MYO16: variants seen among roughly 807,000 people sequenced by gnomAD.
The protein encoded by MYO16 is myosin XVI, also known as unconventional myosin-XVI.
A neutral mutation model predicts 205.3 loss-of-function variants in MYO16; 94 were observed. That is an observed-to-expected ratio of 0.46 (90% CI 0.39 to 0.54). The LOEUF (loss-of-function observed/expected upper bound fraction) is 0.54, where lower values mean the gene tolerates loss of function less well. Among genes scored for constraint, MYO16 ranks in the 20% least tolerant of loss-of-function variants. MYO16 has a pLI of 0.00. For synonymous variants in MYO16, 988 were observed against 954.0 expected (o/e 1.04, Z -0.66); for missense variants, 2,315 against 2,387.5 (o/e 0.97, Z 0.63).
intron 2 of MYO16, among the ~76,000 whole-genome samples, chr13:108,681,401 A>T (rs9583277): frequency 6.6e-6 from 1 of 151,974 alleles, no homozygotes; most frequent in African/African-American, 2.4e-5. Flanking sequence ...ATTGCCTACT[A>T]TTCATTTCCA....
chr13:109,038,248 AG>A (rs1886774593), intron 23 of MYO16, among the ~76,000 whole-genome samples: 1 of 152,036 alleles, frequency 6.6e-6, no homozygotes, highest in South Asian at 2.1e-4. Flanking sequence ...ATCATTTCTG[AG>A]GGTGTCTTCG....
At chr13:108,766,818 A>G (rs1280778117) in intron 4 of MYO16, among the ~76,000 whole-genome samples, 1 of 152,190 alleles carries the variant, frequency 6.6e-6, no homozygotes, top group African/African-American at 2.4e-5. Context: ...AAGGTTTAAC[A>G]GCTCTTTGGA....
rs1428066188 is a variant in MYO16 at position 109,140,458 on chromosome 13, T to C, written c.4246T>C (p.Cys1416Arg). Residue 1416 changes from cysteine (C) to arginine (R), a missense_variant, in exon 32 of 35, where the codon TGC (cysteine) becomes CGC (arginine). Cys to Arg is a radical substitution (Grantham distance 180). This residue lies in a region of MYO16 where 1,097 missense variants were observed against 1,092.0 expected (regional missense o/e 1.00). Coordinates refer to ENST00000457511, the MANE Select transcript of MYO16 (RefSeq NM_001198950.3). This position sits in a 1 kb window ranked among gnomAD's most constrained non-coding sequence, Gnocchi z 8.0. ...ARVLTPGTPQCALPPAAPPGD... is the reference protein window; with the variant it reads ...ARVLTPGTPQRALPPAAPPGD... Reference sequence around the variant, plus strand: ...CGTTCTGACCCCCGGGACTCCGCAGTGCGCGCTGCCCCCGGCGGCGCCTCC... The same window carrying C: ...CGTTCTGACCCCCGGGACTCCGCAGCGCGCGCTGCCCCCGGCGGCGCCTCC... 2.6e-6 allele frequency: 4 copies of C among 1,541,198 alleles called. No individual in the cohort carries two copies. Among genetic ancestry groups the C allele is most frequent in the Non-Finnish European group, 2.6e-6 (3 of 1,151,926 alleles).
At chr13:108,807,206 A>G (rs1006974991) in intron 7 of MYO16, among the ~76,000 whole-genome samples, 50 of 152,310 alleles carry the variant, frequency 3.3e-4, no homozygotes, top group African/African-American at 1.1e-3. Context: ...ATGGAGATTT[A>G]AGTTAATGTG....
chr13:109,146,745 G>A (rs527449907), intron 32 of MYO16, among the ~76,000 whole-genome samples: 2 of 152,062 alleles, frequency 1.3e-5, no homozygotes, highest in Non-Finnish European at 2.9e-5. Context: ...TACAGTGGCC[G>A]TGGTTGCTCC....
At chr13:108,896,004 C>G (rs1486709382) in intron 14 of MYO16, among the ~76,000 whole-genome samples, 1 of 152,168 alleles carries the variant, frequency 6.6e-6, no homozygotes, top group Non-Finnish European at 1.5e-5. Context: ...AGGACCTCCT[C>G]AGCGTTACAT....
At chr13:109,168,734 G>A (rs1328940) in intron 33 of MYO16, among the ~76,000 whole-genome samples, 152,332 of 152,340 alleles carry the variant, frequency 1, 76,162 homozygotes, top group Non-Finnish European at 1. Flanking sequence ...AAAAAAATAA[G>A]ATAAAATAAA....
At chr13:108,683,419 A>AG (rs1165760614) in intron 2 of MYO16, among the ~76,000 whole-genome samples, 2 of 152,154 alleles carry the variant, frequency 1.3e-5, no homozygotes, top group Non-Finnish European at 2.9e-5. Flanking sequence ...TTTGCCAAAA[A>AG]AAAGAAAGAA....
intron 23 of MYO16, among the ~76,000 whole-genome samples, chr13:109,037,370 G>A (rs939427938): frequency 2.0e-5 from 3 of 152,166 alleles, no homozygotes; most frequent in Non-Finnish European, 2.9e-5. Flanking sequence ...TTCTTAGGAA[G>A]CATTTCCTTC....
chr13:109,112,508 C>A (rs1889321098), intron 28 of MYO16, among the ~76,000 whole-genome samples: 1 of 152,096 alleles, frequency 6.6e-6, no homozygotes. Flanking sequence ...ATAATCCTAG[C>A]ACTTTGGGAG....
intron 28 of MYO16, among the ~76,000 whole-genome samples, chr13:109,102,129 TTAAA>T (rs1172229553): frequency 6.6e-6 from 1 of 152,112 alleles, no homozygotes; most frequent in Non-Finnish European, 1.5e-5. Context: ...AATTTGAACT[TTAAA>T]TAACAATCTG....
At chr13:109,117,594 G>A (rs1015832846) in intron 28 of MYO16, among the ~76,000 whole-genome samples, 2 of 150,984 alleles carry the variant, frequency 1.3e-5, no homozygotes, top group Non-Finnish European at 2.9e-5. Flanking sequence ...ATCATTTATA[G>A]GGTGCTCTGG....
intron 7 of MYO16, among the ~76,000 whole-genome samples, chr13:108,816,748 G>A (rs572710193): frequency 8.5e-5 from 13 of 152,246 alleles, no homozygotes; most frequent in Admixed American, 5.2e-4. Context: ...ATGCCTGTCC[G>A]CTGAGCCAGT....
At chr13:108,680,110 C>G (rs1051306510) in intron 2 of MYO16, among the ~76,000 whole-genome samples, 1 of 152,136 alleles carries the variant, frequency 6.6e-6, no homozygotes, top group African/African-American at 2.4e-5. Flanking sequence ...CCCACAGTGC[C>G]TGGAGCTGCT....
At chr13:108,835,456 T>C (rs566409056) in intron 9 of MYO16, among the ~76,000 whole-genome samples, 2 of 152,328 alleles carry the variant, frequency 1.3e-5, no homozygotes, top group South Asian at 2.1e-4. Flanking sequence ...TACGTCCTTA[T>C]AGCAGCATGA....
chr13:108,937,209 A>C (rs1882528164), intron 16 of MYO16, among the ~76,000 whole-genome samples: 1 of 152,188 alleles, frequency 6.6e-6, no homozygotes, highest in South Asian at 2.1e-4. Context: ...TTCTGCTGAG[A>C]AGTCTGCCAT....
At chr13:108,687,223 C>A (rs566763211) in intron 2 of MYO16, among the ~76,000 whole-genome samples, 1 of 152,206 alleles carries the variant, frequency 6.6e-6, no homozygotes, top group African/African-American at 2.4e-5. Context: ...AATCTCACTT[C>A]TCTGTAGATT....
At chr13:108,764,711 A>C (rs1329534460) in intron 4 of MYO16, among the ~76,000 whole-genome samples, 1 of 152,118 alleles carries the variant, frequency 6.6e-6, no homozygotes, top group African/African-American at 2.4e-5. Context: ...AGAAGCACTT[A>C]CTCAGTAGAC....
intron 1 of MYO16, among the ~76,000 whole-genome samples, chr13:108,648,120 T>G (rs2139394519): frequency 6.6e-6 from 1 of 152,322 alleles, no homozygotes; most frequent in South Asian, 2.1e-4. Context: ...TTACATCAAC[T>G]TTTCAGATAC....
Sources: gnomAD v4.1 joint callset for allele counts (sites outside exome capture counted in the v4.1 genomes callset) on GRCh38, gnomAD v4.1.1 for gene constraint, gnomAD v4.1.1 regional missense constraint, Gnocchi (gnomAD v3.1) non-coding constraint, MANE v1.5 for transcripts, NCBI Gene and HGNC (gene_info 2026-07-23, HGNC 2026-07-21) for gene names.